The following ICAM1 variants were observed in gnomAD, a reference collection of about 807,000 sequenced individuals.
ICAM1 encodes the protein intercellular adhesion molecule 1.
In ICAM1, 28 loss-of-function variants were observed where a neutral mutation model predicts 42.3. The observed-to-expected ratio is 0.66, with a 90% CI of 0.49 to 0.91. The LOEUF is 0.91. ICAM1 is among the 40% of genes least tolerant of loss of function. The pLI is 0.00. For synonymous variants in ICAM1, 304 were observed against 305.9 expected, an observed-to-expected ratio of 0.99 and a Z score of 0.07; for missense variants, 637 against 688.6, an observed-to-expected ratio of 0.93 and a Z score of 0.84.
chr19:10,275,688 T>A (rs1412584219), intron 2 of ICAM1, among the ~76,000 whole-genome samples: 1 of 148,666 alleles, frequency 6.7e-6, no homozygotes, highest in Non-Finnish European at 1.5e-5. Flanking sequence ...GGCAACAGAG[T>A]GAGACCCTGT....
rs1255634122 is a variant in ICAM1, at chr19:10,283,716, A to G, written c.567A>G (p.Glu189=). 1 of 1,613,738 alleles carries G rather than the reference A, an allele frequency of 6.2e-7. No homozygotes were observed. Among genetic ancestry groups the G allele is most frequent in the South Asian group, 1.1e-5 (1 of 91,020 alleles). ...HHGANFSCRT[E]LDLRPQGLEL... ...GAGCCAATTTCTCGTGCCGCACTGAACTGGACCTGCGGCCCCAAGGGCTGG... is the reference window on the plus strand; with the variant it reads ...GAGCCAATTTCTCGTGCCGCACTGAGCTGGACCTGCGGCCCCAAGGGCTGG... The change falls in exon 3 of 7, where the codon GAA becomes GAG. Residue 189 remains glutamate (E), a synonymous_variant. Transcript: ENST00000264832.
In ICAM1 at chr19:10,285,619, T is replaced by TG. The variant is rs1283632878; in HGVS notation, c.*335dup. 1 of 257,424 alleles carries TG rather than the reference T, an allele frequency of 3.9e-6. No homozygotes were observed. The highest frequency in any genetic ancestry group is 7.5e-6 in the Non-Finnish European group (1 of 132,808). 15.9% of individuals were successfully genotyped at this position (257,424 alleles called of 1,614,324 possible). ...TAGCCCCACCATGAGGACATACAAC[T>TG]GGGAAATACTGAAACTTGCTGCCTA... On this transcript the variant is annotated 3_prime_UTR_variant, in exon 7 of 7. Coordinates refer to ENST00000264832, the MANE Select transcript of ICAM1 (RefSeq NM_000201.3).
chr19:10,284,714 G>A lies in ICAM1; in HGVS notation c.1180+57G>A. On this transcript the variant is annotated intron_variant, in intron 5 of 6. Transcript: ENST00000264832. This position sits in a 1 kb window ranked among gnomAD's most constrained non-coding sequence, Gnocchi z 5.4. ...CCCCCAAGGCCCAATCTCCCTGAAGGTCCCATAAGGTCTTGCCTCCAAGTC... is the reference window on the plus strand; with the variant it reads ...CCCCCAAGGCCCAATCTCCCTGAAGATCCCATAAGGTCTTGCCTCCAAGTC... 1 of 1,609,058 alleles carries A rather than the reference G, an allele frequency of 6.2e-7. No individual in the cohort carries two copies. Among genetic ancestry groups the A allele is most frequent in the Non-Finnish European group, 8.5e-7 (1 of 1,178,604 alleles).
chr19:10,277,923 G>A (rs959079340), intron 2 of ICAM1, among the ~76,000 whole-genome samples: 1 of 152,210 alleles, frequency 6.6e-6, no homozygotes, highest in Non-Finnish European at 1.5e-5. Flanking sequence ...GGCAGGCTAG[G>A]CACGTGGCTC....
intron 2 of ICAM1, among the ~76,000 whole-genome samples, chr19:10,275,888 T>G (rs1474923806): frequency 2.0e-5 from 3 of 151,538 alleles, no homozygotes; most frequent in South Asian, 2.1e-4. Context: ...TTTTGTATTT[T>G]TAGTAGAGAC....
chr19:10,275,166 C>T, intron 2 of ICAM1, 138 bp downstream of exon 2: 2 of 848,880 alleles, frequency 2.4e-6, no homozygotes, highest in East Asian at 4.9e-5. Flanking sequence ...CAGGTGGGGA[C>T]ATCCTTGGAA....
At position 10,276,182 on chromosome 19, in the gene ICAM1, T is replaced by A. The variant is rs1333810656; in HGVS notation, c.331+1154T>A. Among the ~76,000 whole-genome samples the A allele has an allele frequency of 4.0e-3, 555 of 139,390 alleles. 5 individuals are homozygous for A. Among genetic ancestry groups the A allele is most frequent in the Non-Finnish European group, 4.4e-3 (280 of 63,704 alleles). The allele number at this position is 139,390 out of a possible 152,430, so 91.4% of individuals were successfully genotyped here. Reference sequence around the variant, plus strand: ...AACATAGCAAAACCCCATTTTTATTTAAAAAAAAAAAAAAAGATATGAGTT... The same window carrying A: ...AACATAGCAAAACCCCATTTTTATTAAAAAAAAAAAAAAAAGATATGAGTT... On this transcript the variant is annotated intron_variant, in intron 2 of 6. Coordinates refer to ENST00000264832, the MANE Select transcript of ICAM1 (RefSeq NM_000201.3).
chr19:10,274,746 C>T lies in ICAM1; in HGVS notation c.68-19C>T. On this transcript the variant is annotated intron_variant, in intron 1 of 6. Transcript: ENST00000264832. ...ACCTGATTTGTAATGCCTGTCGCCT[C>T]TTCCCTCGTTTCTTCTAGGACCTGG... 1 of 1,607,766 alleles carries T rather than the reference C, an allele frequency of 6.2e-7. No individual in the cohort carries two copies. The highest frequency in any genetic ancestry group is 8.5e-7 in the Non-Finnish European group (1 of 1,175,464).
chr19:10,285,312 C>G lies in ICAM1; in HGVS notation c.*25C>G. 1 of 1,606,990 alleles carries G rather than the reference C, an allele frequency of 6.2e-7. No homozygotes were observed. The highest frequency in any genetic ancestry group is 1.1e-5 in the South Asian group (1 of 90,132). ...AACCTATCCCGGGACAGGGCCTCTT[C>G]CTCGGCCTTCCCATATTGGTGGCAG... On this transcript the variant is annotated 3_prime_UTR_variant, in exon 7 of 7. Transcript: ENST00000264832.
chr19:10,271,133 A>G lies in ICAM1; in HGVS notation c.-27A>G, dbSNP rs772770898. The G allele has an allele frequency of 2.0e-5, 32 of 1,603,238 alleles. No homozygotes were observed. Among genetic ancestry groups the G allele is most frequent in the Non-Finnish European group, 2.6e-5 (31 of 1,172,798 alleles). ...CCAGTCGACGCTGAGCTCCTCTGCT[A>G]CTCAGAGTTGCAACCTCAGCCTCGC... On this transcript the variant is annotated 5_prime_UTR_variant, in exon 1 of 7. Coordinates refer to ENST00000264832, the MANE Select transcript of ICAM1 (RefSeq NM_000201.3).
intron 2 of ICAM1, among the ~76,000 whole-genome samples, chr19:10,278,157 A>G (rs886093590): frequency 1.3e-5 from 2 of 152,200 alleles, no homozygotes; most frequent in African/African-American, 2.4e-5. Flanking sequence ...TGATGACACC[A>G]CTGCACTCCA....
intron 1 of ICAM1, among the ~76,000 whole-genome samples, chr19:10,273,928 C>A (rs5030347): frequency 0.14 from 20,563 of 151,846 alleles, 1,849 homozygotes; most frequent in Non-Finnish European, 0.21. Context: ...GCAGGAGAAT[C>A]ACTTGAACCC....
At chr19:10,273,424 G>A (rs1206706447) in intron 1 of ICAM1, among the ~76,000 whole-genome samples, 2 of 151,472 alleles carry the variant, frequency 1.3e-5, no homozygotes, top group Non-Finnish European at 3.0e-5. Context: ...CCTGGGAGGC[G>A]GAGGTTGCGG....
At chr19:10,277,060 GA>G (rs1322398314) in intron 2 of ICAM1, among the ~76,000 whole-genome samples, 5 of 152,156 alleles carry the variant, frequency 3.3e-5, no homozygotes, top group Non-Finnish European at 7.3e-5. Flanking sequence ...CAGTTTCGGG[GA>G]GGCTGTATTT....
Position 10,278,642 on chromosome 19 carries a change from A to G in ICAM1, c.331+3614A>G, listed in dbSNP as rs999225005. Among the ~76,000 whole-genome samples the G allele has an allele frequency of 1.6e-4, 22 of 137,422 alleles. 1 individual carries two copies. The highest frequency in any genetic ancestry group is 4.5e-5 in the Non-Finnish European group (3 of 66,338). The allele number at this position is 137,422 out of a possible 152,430, so 90.2% of individuals were successfully genotyped here. On this transcript the variant is annotated intron_variant, in intron 2 of 6. Coordinates refer to ENST00000264832, the MANE Select transcript of ICAM1 (RefSeq NM_000201.3). ...CTGCAACCTCCATCTCCCGGGTTCA[A>G]GCAGTTCTCCTGCCTCATCCTCTCC...
chr19:10,271,776 C>T (rs1360347102), intron 1 of ICAM1, among the ~76,000 whole-genome samples: 2 of 152,072 alleles, frequency 1.3e-5, no homozygotes, highest in Admixed American at 1.3e-4. Flanking sequence ...CTCATCCTCT[C>T]TGCCCCTGGG....
rs1568293403 is a variant in ICAM1 at position 10,278,580 on chromosome 19, T to TTG, written c.331+3552_331+3553insTG. Reference sequence around the variant, plus strand: ...TTTTTTTTTTTTTTTTTCTTTTTTTTGACACACAGTCTTGCTCTGTCGCCC... The same window carrying TTG: ...TTTTTTTTTTTTTTTTTCTTTTTTTTTGGACACACAGTCTTGCTCTGTCGCCC... On this transcript the variant is annotated intron_variant, in intron 2 of 6. Coordinates refer to ENST00000264832, the MANE Select transcript of ICAM1 (RefSeq NM_000201.3). Among the ~76,000 whole-genome samples, 49 of 132,080 alleles carry TTG rather than the reference T, an allele frequency of 3.7e-4. 1 individual carries two copies. The highest frequency in any genetic ancestry group is 1.9e-3 in the East Asian group (8 of 4,128). The allele number at this position is 132,080 out of a possible 152,430, so 86.6% of individuals were successfully genotyped here. A position where few individuals can be genotyped will look rare whatever the true frequency, so the allele number is the denominator to read the frequency against.
chr19:10,274,401 A>G (rs1015651425), intron 1 of ICAM1, among the ~76,000 whole-genome samples: 4 of 143,936 alleles, frequency 2.8e-5, no homozygotes, highest in East Asian at 4.0e-4. Context: ...TGTAACCTCC[A>G]CCTCCCAGGT....
At chr19:10,281,097 T>C (rs1328235742) in intron 2 of ICAM1, among the ~76,000 whole-genome samples, 1 of 151,448 alleles carries the variant, frequency 6.6e-6, no homozygotes, top group Non-Finnish European at 1.5e-5. Context: ...ATGGTCTTGA[T>C]CTCCTGACCT....
Sources: gnomAD v4.1 joint callset for allele counts (sites outside exome capture counted in the v4.1 genomes callset) on GRCh38, gnomAD v4.1.1 for gene constraint, Gnocchi (gnomAD v3.1) non-coding constraint, MANE v1.5 for transcripts, NCBI Gene and HGNC (gene_info 2026-07-23, HGNC 2026-07-21) for gene names.